The following TATDN2 variants were observed in gnomAD, a reference collection of about 807,000 sequenced individuals.
TATDN2 encodes the protein 3'-5' RNA nuclease TATDN2.
Under a neutral mutation model 60.3 loss-of-function variants are expected in TATDN2, and 44 were observed. The ratio of observed to expected loss-of-function variants is 0.73; its 90% CI spans 0.57 to 0.94. The LOEUF is 0.94. TATDN2 is among the 40% of genes least tolerant of loss of function. The probability of loss-of-function intolerance (pLI) is 0.00; values close to 1 mark genes in which losing one functional copy is unlikely to be tolerated. For synonymous variants in TATDN2, 399 were observed against 355.8 expected (o/e 1.12, Z -1.37); for missense variants, 997 against 948.0 (o/e 1.05, Z -0.68).
Position 10,248,965 on chromosome 3 carries a change from C to A in TATDN2, c.-109C>A, listed in dbSNP as rs756587691. On this transcript the variant is annotated 5_prime_UTR_variant, in exon 1 of 8. Transcript: ENST00000448281. The stretch of plus-strand genomic sequence containing the variant: ...AGCACGTTGTGGGCTTGGAAACCGA[C>A]GGCAGCCTTTAGTCAATTTTGGATC... 2 of 432,532 alleles carry A rather than the reference C, an allele frequency of 4.6e-6. No individual in the cohort carries two copies. The highest frequency in any genetic ancestry group is 2.0e-5 in the African/African-American group (1 of 49,132). The allele number at this position is 432,532 out of a possible 1,614,324, so 26.8% of individuals were successfully genotyped here. A position where few individuals can be genotyped will look rare whatever the true frequency, so the allele number is the denominator to read the frequency against.
chr3:10,263,403 T>C (rs182521526), intron 3 of TATDN2, among the ~76,000 whole-genome samples: 1 of 152,154 alleles, frequency 6.6e-6, no homozygotes, highest in Non-Finnish European at 1.5e-5. Context: ...TCTTCTCTCT[T>C]TCTCTCTCTA....
intron 2 of TATDN2, among the ~76,000 whole-genome samples, chr3:10,251,617 T>G (rs1385327885): frequency 1.3e-5 from 2 of 151,972 alleles, no homozygotes; most frequent in Non-Finnish European, 2.9e-5. Flanking sequence ...AACTCCTGAC[T>G]GCAAGTGATC....
intron 3 of TATDN2, among the ~76,000 whole-genome samples, chr3:10,268,190 T>C (rs2125178236): frequency 6.6e-6 from 1 of 152,374 alleles, no homozygotes; most frequent in East Asian, 1.9e-4. Flanking sequence ...TGGATATTTC[T>C]GCCATTCAAG....
At chr3:10,274,690 T>C (rs1341819605) in intron 4 of TATDN2, among the ~76,000 whole-genome samples, 1 of 152,194 alleles carries the variant, frequency 6.6e-6, no homozygotes, top group Non-Finnish European at 1.5e-5. Flanking sequence ...GGCCAGGCTT[T>C]AGATAAAGCC....
chr3:10,272,824 C>T (rs1267054543), intron 4 of TATDN2, among the ~76,000 whole-genome samples: 1 of 150,330 alleles, frequency 6.7e-6, no homozygotes. Flanking sequence ...CACCTGAGGC[C>T]AGGAGTTGGA....
In TATDN2 at chr3:10,249,191, G is replaced by T; in HGVS notation, c.-6-4G>T. 1 of 1,510,250 alleles carries T rather than the reference G, an allele frequency of 6.6e-7. No homozygotes were observed. The highest frequency in any genetic ancestry group is 8.9e-7 in the Non-Finnish European group (1 of 1,128,648). 93.6% of individuals were successfully genotyped at this position (1,510,250 alleles called of 1,614,324 possible). ...TTGGAATCCAGGCCCCCTGTACCTT[G>T]CAGGTGCCCATGGCGTCCGAGCGGG... is the stretch of plus-strand genomic sequence containing the variant. On this transcript the variant is annotated splice_polypyrimidine_tract_variant and splice_region_variant and intron_variant, in intron 1 of 7. Coordinates refer to ENST00000448281, the MANE Select transcript of TATDN2 (RefSeq NM_014760.4).
At chr3:10,271,081 TA>T in intron 4 of TATDN2, 66 bp downstream of exon 4, 1 of 1,490,228 alleles carries the variant, frequency 6.7e-7, no homozygotes, top group Non-Finnish European at 8.9e-7. Context: ...AGCCTGACAA[TA>T]AGGGTTTATC....
chr3:10,252,267 T>TG (rs146558241), intron 2 of TATDN2, among the ~76,000 whole-genome samples: 4,662 of 151,386 alleles, frequency 0.031, 235 homozygotes, highest in African/African-American at 0.11. Flanking sequence ...CCCAAAGCGC[T>TG]GGGATTAGAG....
chr3:10,249,005 A>G lies in TATDN2; in HGVS notation c.-69A>G. The G allele has an allele frequency of 1.7e-6, 1 of 572,036 alleles. No homozygotes were observed. Among genetic ancestry groups the G allele is most frequent in the South Asian group, 6.5e-5 (1 of 15,496 alleles). 35.4% of individuals were successfully genotyped at this position (572,036 alleles called of 1,614,324 possible). ...AATTTTGGATCGCTTTGACTTCTCC[A>G]ACACGGTTTGGCATCTCTGAAACCT... On this transcript the variant is annotated 5_prime_UTR_variant, in exon 1 of 8. Transcript: ENST00000448281.
rs569155929 is a variant in TATDN2, at chr3:10,261,390, G to A, written c.948+720G>A. 4.7e-5 allele frequency among the ~76,000 whole-genome samples: 7 copies of A among 149,986 alleles called. No homozygotes were observed. The East Asian group carries it at 1.2e-3, about 25-fold the overall frequency. On this transcript the variant is annotated intron_variant, in intron 3 of 7. Transcript: ENST00000448281. The stretch of plus-strand genomic sequence containing the variant: ...CTTTTTTTTTTTTTTTTTGTTGTTG[G>A]GACAGAGTCTTGCTCTGTTGCCCAG...
At chr3:10,253,210 AG>A (rs1166153410) in intron 2 of TATDN2, among the ~76,000 whole-genome samples, 1 of 152,008 alleles carries the variant, frequency 6.6e-6, no homozygotes, top group Non-Finnish European at 1.5e-5. Context: ...TATGTTGACC[AG>A]GCTGGTCTCA....
chr3:10,262,810 C>T (rs1559461632), intron 3 of TATDN2, among the ~76,000 whole-genome samples: 1 of 152,122 alleles, frequency 6.6e-6, no homozygotes, highest in Non-Finnish European at 1.5e-5. Flanking sequence ...ACTGAGATTA[C>T]AGGTGTAAGC....
chr3:10,256,373 G>A (rs1221414840), intron 2 of TATDN2, among the ~76,000 whole-genome samples: 1 of 151,800 alleles, frequency 6.6e-6, no homozygotes, highest in African/African-American at 2.4e-5. Context: ...ATGGGGTCTT[G>A]CTATGTTGCC....
intron 3 of TATDN2, among the ~76,000 whole-genome samples, chr3:10,268,986 G>T (rs957855967): frequency 4.6e-5 from 7 of 152,168 alleles, no homozygotes; most frequent in Non-Finnish European, 1.0e-4. Flanking sequence ...GCCTAGACTG[G>T]GGCAGGTGTT....
intron 2 of TATDN2, among the ~76,000 whole-genome samples, chr3:10,250,190 T>C (rs1698200646): frequency 6.6e-6 from 1 of 151,670 alleles, no homozygotes; most frequent in South Asian, 2.1e-4. Context: ...TTTCTTTTTT[T>C]TTTGGAGGTT....
chr3:10,256,133 C>T (rs1698304716), intron 2 of TATDN2, among the ~76,000 whole-genome samples: 1 of 152,062 alleles, frequency 6.6e-6, no homozygotes, highest in Admixed American at 6.5e-5. Flanking sequence ...AAAATGTGAG[C>T]TCCAGGAGGC....
At position 10,278,610 on chromosome 3, in the gene TATDN2, C is replaced by A. The variant is rs1698672813; in HGVS notation, c.2145+148C>A. 3 of 1,163,806 alleles carry A rather than the reference C, an allele frequency of 2.6e-6. No individual in the cohort carries two copies. The highest frequency in any genetic ancestry group is 3.8e-6 in the Non-Finnish European group (3 of 790,258). The allele number at this position is 1,163,806 out of a possible 1,614,324, so 72.1% of individuals were successfully genotyped here. A position where few individuals can be genotyped will look rare whatever the true frequency, so the allele number is the denominator to read the frequency against. ...TAGATGCCTCCTTGCTGTTACTCTG[C>A]AGAACCAAAAGTCTAGGGGGCTGAG... On this transcript the variant is annotated intron_variant, in intron 6 of 7. Transcript: ENST00000448281. This position sits in a 1 kb window ranked among gnomAD's most constrained non-coding sequence, Gnocchi z 4.7.
chr3:10,251,006 C>G lies in TATDN2; in HGVS notation c.414+1392C>G, dbSNP rs1410049552. On this transcript the variant is annotated intron_variant, in intron 2 of 7. Transcript: ENST00000448281. ...GCTGAATCCCTGGCTGTCCTAAAGA[C>G]CTGGAACTCAGGTTTGAGGGTGTGG... 2.0e-5 allele frequency among the ~76,000 whole-genome samples: 3 copies of G among 152,262 alleles called. No individual in the cohort carries two copies. In the East Asian group the frequency reaches 5.8e-4, roughly 29 times the overall value.
rs753417749 is a variant in TATDN2 at position 10,270,766 on chromosome 3, G to A, written c.1584G>A (p.Lys528=). 1 of 1,614,196 alleles carries A rather than the reference G, an allele frequency of 6.2e-7. No individual in the cohort carries two copies. The highest frequency in any genetic ancestry group is 1.7e-5 in the Admixed American group (1 of 60,028). Residue 528 remains lysine (K), a synonymous_variant, in exon 4 of 8, where the codon AAG becomes AAA. Transcript: ENST00000448281. The part of the protein sequence containing the change: ...FRKIYSSSFP[K]EFQGCISDFC... ...AAATTTACAGCAGCTCCTTCCCTAA[G>A]GAATTTCAGGGCTGCATCTCTGACT...
Sources: allele counts gnomAD v4.1 joint callset (sites outside exome capture counted in the v4.1 genomes callset), GRCh38; gene constraint gnomAD v4.1.1; non-coding constraint Gnocchi (gnomAD v3.1); transcripts MANE v1.5; gene names NCBI Gene and HGNC (gene_info 2026-07-23, HGNC 2026-07-21).